Variants in SLC25A42 observed in about 807,000 individuals in gnomAD.
The protein encoded by SLC25A42 is solute carrier family 25 member 42, also known as mitochondrial coenzyme A transporter SLC25A42.
Under a neutral mutation model 34.7 loss-of-function variants are expected in SLC25A42, and 19 were observed. The observed-to-expected ratio is 0.55, with a 90% CI of 0.38 to 0.80. SLC25A42 has a LOEUF of 0.80. Among genes scored for constraint, SLC25A42 ranks in the 30% least tolerant of loss-of-function variants. The pLI is 0.00. For synonymous variants in SLC25A42, 205 were observed against 191.2 expected, an observed-to-expected ratio of 1.07 and a Z score of -0.59; for missense variants, 364 against 441.3, an observed-to-expected ratio of 0.82 and a Z score of 1.57.
intron 1 of SLC25A42, among the ~76,000 whole-genome samples, chr19:19,092,871 G>A (rs991644396): frequency 8.5e-5 from 13 of 152,172 alleles, no homozygotes; most frequent in African/African-American, 2.9e-4. Context: ...GGGTGGTGCT[G>A]GGCAGTAGTC....
chr19:19,106,560 C>T (rs548469071), intron 6 of SLC25A42, 175 bp downstream of exon 6: 1 of 531,462 alleles, frequency 1.9e-6, no homozygotes, highest in South Asian at 2.4e-5. Flanking sequence ...GCAATTTGTT[C>T]TCTTAGCCTG....
chr19:19,101,676 C>T, intron 2 of SLC25A42, 105 bp from the exon 3 acceptor site: 1 of 989,186 alleles, frequency 1.0e-6, no homozygotes. Context: ...TGGGGTACAT[C>T]CCTCGGCCCC....
chr19:19,075,051 G>T (rs2059649395), intron 1 of SLC25A42, among the ~76,000 whole-genome samples: 1 of 152,016 alleles, frequency 6.6e-6, no homozygotes. Context: ...CTACTCAGAG[G>T]CTAAGGTGGA....
rs1218175256 is a variant in SLC25A42 at position 19,109,023 on chromosome 19, C to T, written c.649+978C>T. ...CCTCTTATTAGAAGTGAGGGTTGCA[C>T]CCCTCAAGACTGCTTTGAAAATACT... is the stretch of plus-strand genomic sequence containing the variant. On this transcript the variant is annotated intron_variant, in intron 7 of 7. Transcript: ENST00000318596. This position sits in a 1 kb window ranked among gnomAD's most constrained non-coding sequence, Gnocchi z 4.1. 6.6e-6 allele frequency among the ~76,000 whole-genome samples: 1 copy of T among 151,730 alleles called. No homozygotes were observed. Among genetic ancestry groups the T allele is most frequent in the Non-Finnish European group, 1.5e-5 (1 of 67,728 alleles).
chr19:19,095,237 A>C (rs922170419), intron 1 of SLC25A42, among the ~76,000 whole-genome samples: 8 of 150,196 alleles, frequency 5.3e-5, no homozygotes, highest in African/African-American at 2.0e-4. Flanking sequence ...CCCTTAGCTG[A>C]CCAAGTGGGA....
intron 5 of SLC25A42, chr19:19,106,014 C>T: frequency 1.8e-6 from 1 of 559,014 alleles, no homozygotes; most frequent in Non-Finnish European, 3.2e-6. Flanking sequence ...ACTATGCCCC[C>T]AGGGCCGTAG....
In SLC25A42 at chr19:19,081,764, G is replaced by A. The variant is rs566534609; in HGVS notation, c.-34-14327G>A. On this transcript the variant is annotated intron_variant, in intron 1 of 7. Coordinates refer to ENST00000318596, the MANE Select transcript of SLC25A42 (RefSeq NM_178526.5). This position sits in a 1 kb window ranked among gnomAD's most constrained non-coding sequence, Gnocchi z 4.5. ...CCTACGCTGTCACCCGAGTGGTCCCGTGGTGTCCTCTGGCTTCCTTGCCTC... is the reference window on the plus strand; with the variant it reads ...CCTACGCTGTCACCCGAGTGGTCCCATGGTGTCCTCTGGCTTCCTTGCCTC... Among the ~76,000 whole-genome samples, 3 of 152,308 alleles carry A rather than the reference G, an allele frequency of 2.0e-5. No individual in the cohort carries two copies. Among genetic ancestry groups the A allele is most frequent in the East Asian group, 3.9e-4 (2 of 5,178 alleles).
intron 1 of SLC25A42, among the ~76,000 whole-genome samples, chr19:19,086,490 A>G (rs2059709161): frequency 6.6e-6 from 1 of 152,000 alleles, no homozygotes; most frequent in Non-Finnish European, 1.5e-5. Flanking sequence ...CAAACACCCT[A>G]TTTCTCATCC....
chr19:19,074,047 G>A (rs530780903), intron 1 of SLC25A42, among the ~76,000 whole-genome samples: 7 of 152,340 alleles, frequency 4.6e-5, no homozygotes, highest in Non-Finnish European at 1.0e-4. Context: ...TACTGAAGTA[G>A]ACCCTCTTAG....
At chr19:19,106,549 A>G (rs534622944) in intron 6 of SLC25A42, 164 bp downstream of exon 6, 2 of 550,982 alleles carry the variant, frequency 3.6e-6, no homozygotes, top group Admixed American at 3.4e-5. Flanking sequence ...CCAGAAAGGC[A>G]GCAATTTGTT....
intron 3 of SLC25A42, 53 bp from the exon 4 acceptor site, chr19:19,104,860 G>A: frequency 1.2e-6 from 2 of 1,610,724 alleles, no homozygotes; most frequent in Middle Eastern, 3.3e-4. Context: ...CCACGCAGAT[G>A]GGAGGTTCTG....
chr19:19,110,672 G>C lies in SLC25A42; in HGVS notation c.753G>C (p.Arg251=), dbSNP rs766249128. 3.8e-6 allele frequency: 6 copies of C among 1,564,428 alleles called. No homozygotes were observed. ...QSASYPLDVV[R]RRMQTAGVTG... ...CCTCGTACCCGCTGGATGTGGTGCG[G>C]CGGCGCATGCAGACGGCCGGCGTCA... The change falls in exon 8 of 8, where the codon CGG becomes CGC. Residue 251 remains arginine (R), a synonymous_variant. Coordinates refer to ENST00000318596, the MANE Select transcript of SLC25A42 (RefSeq NM_178526.5).
chr19:19,096,573 G>T (rs1008559685), intron 2 of SLC25A42, among the ~76,000 whole-genome samples: 1 of 152,100 alleles, frequency 6.6e-6, no homozygotes, highest in East Asian at 1.9e-4. Context: ...GTTCCAGCGT[G>T]GGGTGGGAAG....
At chr19:19,088,967 C>A (rs1210093093) in intron 1 of SLC25A42, among the ~76,000 whole-genome samples, 2 of 151,986 alleles carry the variant, frequency 1.3e-5, no homozygotes, top group Non-Finnish European at 2.9e-5. Context: ...ACCACCACAC[C>A]TGGCTAATTT....
Position 19,109,469 on chromosome 19 carries a change from C to T in SLC25A42, c.650-1100C>T, listed in dbSNP as rs541123565. 3.9e-5 allele frequency among the ~76,000 whole-genome samples: 6 copies of T among 152,144 alleles called. No homozygotes were observed. The highest frequency in any genetic ancestry group is 7.2e-5 in the African/African-American group (3 of 41,430). Reference sequence around the variant, plus strand: ...TTTTTGAGACGGAGTCTCACTCTGCCGCCCAGGCTGGAGTGCAGTGGAACG... The same window carrying T: ...TTTTTGAGACGGAGTCTCACTCTGCTGCCCAGGCTGGAGTGCAGTGGAACG... On this transcript the variant is annotated intron_variant, in intron 7 of 7. Coordinates refer to ENST00000318596, the MANE Select transcript of SLC25A42 (RefSeq NM_178526.5). This position sits in a 1 kb window ranked among gnomAD's most constrained non-coding sequence, Gnocchi z 4.1.
chr19:19,108,070 AG>A lies in SLC25A42; in HGVS notation c.649+29del. 6.5e-6 allele frequency: 10 copies of A among 1,533,200 alleles called. No homozygotes were observed. The Middle Eastern group carries it at 1.8e-3, about 271-fold the overall frequency. The allele number at this position is 1,533,200 out of a possible 1,614,324, so 95.0% of individuals were successfully genotyped here. ...GGTAAGGAGAGCTGGGAGCATGAGGAGGGGACGTTCAGGAAGCATTCCCTGG... is the reference window on the plus strand; with the variant it reads ...GGTAAGGAGAGCTGGGAGCATGAGGAGGGACGTTCAGGAAGCATTCCCTGG... On this transcript the variant is annotated intron_variant, in intron 7 of 7. Coordinates refer to ENST00000318596, the MANE Select transcript of SLC25A42 (RefSeq NM_178526.5).
intron 3 of SLC25A42, among the ~76,000 whole-genome samples, chr19:19,104,032 G>A (rs1186727183): frequency 3.9e-5 from 6 of 152,200 alleles, no homozygotes; most frequent in South Asian, 2.1e-4. Context: ...TTACCCTCCC[G>A]AGTAGCTGGG....
chr19:19,105,194 A>G, intron 4 of SLC25A42: 1 of 582,842 alleles, frequency 1.7e-6, no homozygotes, highest in Non-Finnish European at 3.0e-6. Context: ...TTAAACAGAG[A>G]GCAGGTGCTA....
At chr19:19,070,500 G>A (rs1287674822) in intron 1 of SLC25A42, among the ~76,000 whole-genome samples, 1 of 151,590 alleles carries the variant, frequency 6.6e-6, no homozygotes, top group East Asian at 1.9e-4. Flanking sequence ...GTTTTGCCAC[G>A]TTGGCCAGGC....
Sources: allele counts gnomAD v4.1 joint callset (sites outside exome capture counted in the v4.1 genomes callset), GRCh38; gene constraint gnomAD v4.1.1; non-coding constraint Gnocchi (gnomAD v3.1); transcripts MANE v1.5; gene names NCBI Gene and HGNC (gene_info 2026-07-23, HGNC 2026-07-21).